Variants in ALMS1 observed in about 807,000 individuals in gnomAD.
ALMS1 encodes the protein ALMS1 centrosome and basal body associated protein, also known as centrosome-associated protein ALMS1.
In ALMS1, 271 loss-of-function variants were observed where a neutral mutation model predicts 352.2. The observed-to-expected ratio is 0.77, with a 90% CI of 0.70 to 0.85. The LOEUF (loss-of-function observed/expected upper bound fraction) is 0.85. Ranked by LOEUF, ALMS1 falls within the 40% of genes least tolerant of loss-of-function variation. ALMS1 has a pLI of 0.00. For missense variants in ALMS1, 5,445 were observed against 4,870.7 expected (o/e 1.12, Z -3.51); for synonymous variants, 1,865 against 1,761.2 (o/e 1.06, Z -1.48).
At chr2:73,423,700 A>G (rs1455132147) in intron 4 of ALMS1, among the ~76,000 whole-genome samples, 1 of 152,174 alleles carries the variant, frequency 6.6e-6, no homozygotes, top group Non-Finnish European at 1.5e-5. Flanking sequence ...TAGATCATCA[A>G]CTAATGATTA....
chr2:73,504,332 C>T (rs190151711), intron 10 of ALMS1, among the ~76,000 whole-genome samples: 19 of 152,202 alleles, frequency 1.2e-4, no homozygotes, highest in African/African-American at 4.3e-4. Flanking sequence ...TTTATGTAAC[C>T]GCCATCATAA....
chr2:73,599,710 G>A (rs1466551530), intron 17 of ALMS1, among the ~76,000 whole-genome samples, 189 bp downstream of exon 17: 2 of 151,888 alleles, frequency 1.3e-5, no homozygotes, highest in African/African-American at 2.4e-5. Flanking sequence ...GTAGGGAAGC[G>A]GGTTCCCTTG....
At chr2:73,568,610 TA>T (rs1489892254) in intron 15 of ALMS1, among the ~76,000 whole-genome samples, 1 of 152,204 alleles carries the variant, frequency 6.6e-6, no homozygotes, top group Non-Finnish European at 1.5e-5. Flanking sequence ...AAAACTTGTT[TA>T]ATATTGGTTA....
rs990553333 is a variant in ALMS1 at position 73,424,892 on chromosome 2, A to G, written c.1227A>G (p.Thr409=). ...TQEDSSKQAE[T]YLTKGLQGKV... ...AAGATTCATCTAAGCAGGCAGAAAC[A>G]TATTTAACCAGTAAGTACCCTGATT... Residue 409 remains threonine, a synonymous_variant, in exon 5 of 23, where the codon ACA becomes ACG. Transcript: ENST00000613296. 3.1e-6 allele frequency: 5 copies of G among 1,599,702 alleles called. No individual in the cohort carries two copies. The highest frequency in any genetic ancestry group is 3.4e-5 in the Admixed American group (2 of 58,158).
At chr2:73,587,700 T>G (rs921113364) in intron 16 of ALMS1, among the ~76,000 whole-genome samples, 1 of 152,204 alleles carries the variant, frequency 6.6e-6, no homozygotes, top group African/African-American at 2.4e-5. Context: ...TGAGGACTTT[T>G]GCATCTGTGT....
intron 1 of ALMS1, among the ~76,000 whole-genome samples, chr2:73,402,033 T>G (rs552313060): frequency 1.3e-3 from 178 of 133,824 alleles, no homozygotes; most frequent in African/African-American, 5.8e-3. Context: ...GTGTGTGTGT[T>G]ATGTGTGTGT....
At chr2:73,399,161 G>T (rs1290592464) in intron 1 of ALMS1, among the ~76,000 whole-genome samples, 3 of 152,078 alleles carry the variant, frequency 2.0e-5, no homozygotes, top group Non-Finnish European at 4.4e-5. Flanking sequence ...TGGATTTTCT[G>T]TATAGACAGA....
At chr2:73,455,543 A>G (rs1672042480) in intron 9 of ALMS1, among the ~76,000 whole-genome samples, 1 of 152,190 alleles carries the variant, frequency 6.6e-6, no homozygotes, top group South Asian at 2.1e-4. Context: ...AGCTGGGACC[A>G]CATGTGTGTA....
chr2:73,438,632 G>T (rs1475182153), intron 7 of ALMS1, among the ~76,000 whole-genome samples: 2 of 152,284 alleles, frequency 1.3e-5, no homozygotes, highest in Middle Eastern at 3.4e-3. Flanking sequence ...AAATTATGCC[G>T]TAAGAGTAGT....
At chr2:73,484,154 G>C (rs1217350025) in intron 9 of ALMS1, among the ~76,000 whole-genome samples, 1 of 151,722 alleles carries the variant, frequency 6.6e-6, no homozygotes, top group Non-Finnish European at 1.5e-5. Flanking sequence ...AGTTGATGCA[G>C]TTTCTTCCTA....
At chr2:73,564,278 C>A (rs2104080658) in intron 15 of ALMS1, among the ~76,000 whole-genome samples, 1 of 151,946 alleles carries the variant, frequency 6.6e-6, no homozygotes, top group South Asian at 2.1e-4. Context: ...CCAGCATGGT[C>A]AACATGGCGA....
chr2:73,400,404 T>G (rs978605282), intron 1 of ALMS1, among the ~76,000 whole-genome samples: 1 of 152,226 alleles, frequency 6.6e-6, no homozygotes, highest in African/African-American at 2.4e-5. Context: ...TGTTGTTTTC[T>G]TTTTTGGTAA....
chr2:73,415,869 C>G (rs985595817), intron 2 of ALMS1, among the ~76,000 whole-genome samples: 5 of 152,040 alleles, frequency 3.3e-5, no homozygotes, highest in African/African-American at 1.2e-4. Flanking sequence ...AAGGATGGCT[C>G]TGAACTCTCA....
chr2:73,509,475 A>T lies in ALMS1; in HGVS notation c.9540-10300A>T, dbSNP rs188891826. Among the ~76,000 whole-genome samples, 751 of 152,206 alleles carry T rather than the reference A, an allele frequency of 4.9e-3. 8 individuals are homozygous for T. Among genetic ancestry groups the T allele is most frequent in the African/African-American group, 0.017 (722 of 41,528 alleles). ...CCTGGTGGTGACAAAATCCCTCAGC[A>T]TTTACCTGTCTGTAAAGGATTTTAT... On this transcript the variant is annotated intron_variant, in intron 10 of 22. Transcript: ENST00000613296.
At chr2:73,500,613 C>T (rs1673199608) in intron 10 of ALMS1, among the ~76,000 whole-genome samples, 1 of 152,088 alleles carries the variant, frequency 6.6e-6, no homozygotes, top group Admixed American at 6.6e-5. Context: ...ATTCCACACT[C>T]TATATAGAGT....
At chr2:73,487,289 G>C (rs961195992) in intron 9 of ALMS1, among the ~76,000 whole-genome samples, 5 of 152,186 alleles carry the variant, frequency 3.3e-5, no homozygotes, top group African/African-American at 7.2e-5. Context: ...GCAAGTGTGG[G>C]GTCTAGCCAC....
chr2:73,440,510 G>A (rs975624497), intron 7 of ALMS1, among the ~76,000 whole-genome samples: 19 of 151,708 alleles, frequency 1.3e-4, no homozygotes, highest in Admixed American at 5.2e-4. Context: ...TGAAACCTCT[G>A]CTTCCGGGGT....
chr2:73,548,186 G>A (rs79107959), intron 12 of ALMS1, among the ~76,000 whole-genome samples: 5 of 152,260 alleles, frequency 3.3e-5, no homozygotes, highest in East Asian at 3.9e-4. Flanking sequence ...TAAGGTAATA[G>A]TGCCACATAT....
chr2:73,471,912 G>T (rs1672476654), intron 9 of ALMS1, among the ~76,000 whole-genome samples: 1 of 151,934 alleles, frequency 6.6e-6, no homozygotes, highest in African/African-American at 2.4e-5. Context: ...GTTCACAATA[G>T]CATTAATCAC....
Sources: allele counts gnomAD v4.1 joint callset (sites outside exome capture counted in the v4.1 genomes callset), GRCh38; gene constraint gnomAD v4.1.1; transcripts MANE v1.5; gene names NCBI Gene and HGNC (gene_info 2026-07-23, HGNC 2026-07-21).